Variants in MROH1 observed in about 807,000 individuals in gnomAD.
MROH1 encodes the protein maestro heat-like repeat-containing protein family member 1.
A neutral mutation model predicts 116.5 loss-of-function variants in MROH1; 117 were observed. That is an observed-to-expected ratio of 1.00 (90% CI 0.86 to 1.17). The LOEUF (loss-of-function observed/expected upper bound fraction) is 1.17, where lower values mean the gene tolerates loss of function less well. Among genes scored for constraint, MROH1 ranks in the 50% most tolerant of loss-of-function variants. The pLI is 0.00. For synonymous variants in MROH1, 921 were observed against 583.9 expected (o/e 1.58, Z -8.32); for missense variants, 1,873 against 1,338.5 (o/e 1.40, Z -6.23).
At chr8:144,260,145 C>CG (rs1844742874) in intron 38 of MROH1, 41 bp from the exon 39 acceptor site, 1 of 760,972 alleles carries the variant, frequency 1.3e-6, no homozygotes, top group Admixed American at 1.7e-5. Flanking sequence ...GGGTAGCAGA[C>CG]GGTGACTCTG....
Position 144,180,400 on chromosome 8 carries a change from C to T in MROH1, c.464-25C>T. 2 of 1,612,410 alleles carry T rather than the reference C, an allele frequency of 1.2e-6. No individual in the cohort carries two copies. The highest frequency in any genetic ancestry group is 2.2e-5 in the South Asian group (2 of 91,060). On this transcript the variant is annotated intron_variant, in intron 6 of 43. Transcript: ENST00000326134. The surrounding 1 kb of genome is among the most constrained non-coding windows in gnomAD (Gnocchi z 7.4). ...GGGGCGCTGGAAGCCTTGGCGGAGG[C>T]CTTTGACGGTGTCCTCTCTCACAGC...
At chr8:144,214,003 C>A (rs1834741850) in intron 12 of MROH1, 1 of 152,086 alleles carries the variant, frequency 6.6e-6, no homozygotes. Context: ...CTTTAAAACA[C>A]AGTAATTTCA....
chr8:144,234,480 T>A (rs77147563), intron 14 of MROH1, among the ~76,000 whole-genome samples: 2 of 147,326 alleles, frequency 1.4e-5, no homozygotes, highest in Non-Finnish European at 3.0e-5. Context: ...GTAAATGGAA[T>A]TATTTTCTTT....
chr8:144,203,281 T>C (rs1356938716), intron 12 of MROH1, among the ~76,000 whole-genome samples: 2 of 74,506 alleles, frequency 2.7e-5, no homozygotes, highest in Non-Finnish European at 5.1e-5. Flanking sequence ...GCCCGCTGTC[T>C]GTGGAGGGGC....
In MROH1 at chr8:144,260,004, C is replaced by T. The variant is rs1554834858; in HGVS notation, c.4138C>T (p.Arg1380Trp). 19 of 731,124 alleles carry T rather than the reference C, an allele frequency of 2.6e-5. No homozygotes were observed. Among genetic ancestry groups the T allele is most frequent in the South Asian group, 5.8e-5 (4 of 69,340 alleles). The allele number at this position is 731,124 out of a possible 1,614,324, so 45.3% of individuals were successfully genotyped here. ...ARQKDTCASVRRLVLRGLANL... is the reference protein window; with the variant it reads ...ARQKDTCASVWRLVLRGLANL... ...CCAGAAGGACACATGCGCCAGCGTGCGGAGGCTGGTGCTCCGCGGCCTGGC... is the reference window on the plus strand; with the variant it reads ...CCAGAAGGACACATGCGCCAGCGTGTGGAGGCTGGTGCTCCGCGGCCTGGC... The change falls in exon 38 of 44, where the codon CGG (arginine) becomes TGG (tryptophan). Residue 1380 changes from arginine to tryptophan, a missense_variant. Transcript: ENST00000326134.
chr8:144,212,233 C>T (rs1037952797), intron 12 of MROH1, among the ~76,000 whole-genome samples: 1 of 152,024 alleles, frequency 6.6e-6, no homozygotes, highest in African/African-American at 2.4e-5. Flanking sequence ...TGCAGGTGCA[C>T]ACCACCACAC....
intron 33 of MROH1, chr8:144,251,443 G>C (rs1199671816): frequency 7.2e-5 from 11 of 152,246 alleles, no homozygotes; most frequent in Non-Finnish European, 1.3e-4. Context: ...TCCTTTTTTA[G>C]ATTGACAGTG....
At position 144,255,502 on chromosome 8, in the gene MROH1, C is replaced by G. The variant is rs1232555732; in HGVS notation, c.3595-7C>G. 1.3e-6 allele frequency: 1 copy of G among 778,462 alleles called. No homozygotes were observed. Among genetic ancestry groups the G allele is most frequent in the Non-Finnish European group, 2.4e-6 (1 of 417,728 alleles). The allele number at this position is 778,462 out of a possible 1,614,324, so 48.2% of individuals were successfully genotyped here. On this transcript the variant is annotated splice_polypyrimidine_tract_variant and splice_region_variant and intron_variant, in intron 34 of 43. Coordinates refer to ENST00000326134, the MANE Select transcript of MROH1 (RefSeq NM_032450.3). ...GAGGCATGGCCCTGTGATGACTTCT[C>G]CCCCAGGCTACCTGTGCACTGTTTG...
intron 12 of MROH1, among the ~76,000 whole-genome samples, chr8:144,202,377 G>A (rs1268397015): frequency 1.3e-5 from 2 of 150,324 alleles, no homozygotes; most frequent in African/African-American, 4.9e-5. Context: ...GGAGGGAAGC[G>A]CAGGCTCTCT....
chr8:144,247,976 T>C (rs879174841), intron 31 of MROH1, among the ~76,000 whole-genome samples: 21,498 of 152,296 alleles, frequency 0.14, 3,690 homozygotes, highest in African/African-American at 0.41. Context: ...CCGCCCTCTG[T>C]CTGCCACTGA....
At chr8:144,219,507 G>C (rs540824145) in intron 12 of MROH1, among the ~76,000 whole-genome samples, 1 of 152,230 alleles carries the variant, frequency 6.6e-6, no homozygotes, top group South Asian at 2.1e-4. Context: ...CTGAGGCTAT[G>C]AAGATCCTTC....
intron 14 of MROH1, among the ~76,000 whole-genome samples, chr8:144,229,883 A>ACCCT (rs772971500): frequency 1.6e-4 from 25 of 151,878 alleles, no homozygotes; most frequent in Non-Finnish European, 3.4e-4. Flanking sequence ...AAAATACAAA[A>ACCCT]ATTAGCTAAG....
Position 144,247,359 on chromosome 8 carries a change from C to T in MROH1, c.2930C>T (p.Ala977Val), listed in dbSNP as rs951949687. 5.8e-5 allele frequency: 45 copies of T among 771,806 alleles called. No homozygotes were observed. The highest frequency in any genetic ancestry group is 8.0e-5 in the Non-Finnish European group (33 of 414,488). 47.8% of individuals were successfully genotyped at this position (771,806 alleles called of 1,614,324 possible). A position where few individuals can be genotyped will look rare whatever the true frequency, so the allele number is the denominator to read the frequency against. ...ATCGGCCTCTTCTCCCCACGGTGTGCGGACCTGTGGCCTGCCACCCGCCAG... is the reference window on the plus strand; with the variant it reads ...ATCGGCCTCTTCTCCCCACGGTGTGTGGACCTGTGGCCTGCCACCCGCCAG... Reference protein sequence around the residue: ...LLIGLFSPRCADLWPATRQEA... With the variant: ...LLIGLFSPRCVDLWPATRQEA... Residue 977 changes from alanine to valine, a missense_variant, in exon 30 of 44, where the codon GCG (alanine) becomes GTG (valine). Ala to Val is a moderately conservative substitution (Grantham distance 64, BLOSUM62 0). Transcript: ENST00000326134.
intron 12 of MROH1, among the ~76,000 whole-genome samples, chr8:144,211,737 AAAAG>A (rs1199467176): frequency 6.6e-6 from 1 of 152,128 alleles, no homozygotes; most frequent in African/African-American, 2.4e-5. Flanking sequence ...AAAAAAAAAA[AAAAG>A]AAAAAGAAAG....
intron 2 of MROH1, among the ~76,000 whole-genome samples, chr8:144,161,326 T>TG (rs1819469240): frequency 6.6e-6 from 1 of 152,138 alleles, no homozygotes; most frequent in Non-Finnish European, 1.5e-5. Context: ...TGGGAAGCTT[T>TG]GGGGCTATTA....
rs1844708057 is a variant in MROH1 at position 144,260,038 on chromosome 8, C to T, written c.4172C>T (p.Ala1391Val). The T allele has an allele frequency of 1.4e-6, 1 of 724,154 alleles. No individual in the cohort carries two copies. The highest frequency in any genetic ancestry group is 1.4e-5 in the South Asian group (1 of 69,350). The allele number at this position is 724,154 out of a possible 1,614,324, so 44.9% of individuals were successfully genotyped here. ...GTGCTCCGCGGCCTGGCCAACCTGG[C>T]CTCCGGCTGCCCTGACAAGGTGGGG... The part of the protein sequence containing the change: ...RLVLRGLANL[A>V]SGCPDKVRTH... The change falls in exon 38 of 44, where the codon GCC (alanine) becomes GTC (valine). Residue 1391 changes from alanine (A) to valine (V), a missense_variant. By Grantham distance (64) the Ala-to-Val change is moderately conservative. Coordinates refer to ENST00000326134, the MANE Select transcript of MROH1 (RefSeq NM_032450.3).
chr8:144,245,532 G>A (rs1228020238), intron 29 of MROH1, among the ~76,000 whole-genome samples: 2 of 152,242 alleles, frequency 1.3e-5, no homozygotes, highest in Admixed American at 1.3e-4. Context: ...GCTTGATTTG[G>A]TTGGCGATAT....
intron 1 of MROH1, among the ~76,000 whole-genome samples, chr8:144,152,792 C>A (rs1817156859): frequency 6.6e-6 from 1 of 152,070 alleles, no homozygotes; most frequent in East Asian, 1.9e-4. Context: ...TGTGATCTGC[C>A]CACCTCGGCC....
chr8:144,168,471 G>A, intron 4 of MROH1, 31 bp downstream of exon 4: 2 of 1,577,796 alleles, frequency 1.3e-6, no homozygotes, highest in Non-Finnish European at 1.7e-6. Flanking sequence ...GGATGATGTT[G>A]TCAGGGCCAT....
Sources: gnomAD v4.1 joint callset for allele counts (sites outside exome capture counted in the v4.1 genomes callset) on GRCh38, gnomAD v4.1.1 for gene constraint, Gnocchi (gnomAD v3.1) non-coding constraint, MANE v1.5 for transcripts, NCBI Gene and HGNC (gene_info 2026-07-23, HGNC 2026-07-21) for gene names.